FN3K: variants seen among roughly 807,000 people sequenced by gnomAD.
FN3K encodes the protein fructosamine-3-kinase.
A neutral mutation model predicts 24.8 loss-of-function variants in FN3K; 24 were observed. The observed-to-expected ratio is 0.97, with a 90% CI of 0.70 to 1.36. The LOEUF is 1.36. Ranked by LOEUF, FN3K falls within the 40% of genes most tolerant of loss-of-function variation. FN3K has a pLI of 0.00. For missense variants in FN3K, 449 were observed against 416.7 expected (o/e 1.08, Z -0.67); for synonymous variants, 192 against 175.2 (o/e 1.10, Z -0.76).
intron 2 of FN3K, among the ~76,000 whole-genome samples, chr17:82,738,932 A>ATATATATATATATACGTG (rs2046923510): frequency 1.1e-5 from 1 of 94,420 alleles, no homozygotes; most frequent in African/African-American, 4.3e-5. Flanking sequence ...ACACATATAT[A>ATATATATATATATACGTG]TATATATATA....
chr17:82,743,666 A>G (rs1291715556), intron 4 of FN3K, among the ~76,000 whole-genome samples: 5 of 152,158 alleles, frequency 3.3e-5, no homozygotes, highest in African/African-American at 1.2e-4. Flanking sequence ...ACTGAACTCA[A>G]CTCACCCACT....
Position 82,749,028 on chromosome 17 carries a change from C to T in FN3K, c.591+51C>T, listed in dbSNP as rs772197390. The T allele has an allele frequency of 5.3e-5, 85 of 1,612,428 alleles. 1 individual carries two copies. The highest frequency in any genetic ancestry group is 4.9e-4 in the Middle Eastern group (3 of 6,078). On this transcript the variant is annotated intron_variant, in intron 5 of 5. Coordinates refer to ENST00000300784, the MANE Select transcript of FN3K (RefSeq NM_022158.4). The stretch of plus-strand genomic sequence containing the variant: ...GAAAGAGCTGGTCCTCTCATGATCC[C>T]GCCGCATTTGTGCGGGTTCATCTGT...
At chr17:82,749,091 C>T in intron 5 of FN3K, 114 bp downstream of exon 5, 6 of 1,491,472 alleles carry the variant, frequency 4.0e-6, no homozygotes, top group Middle Eastern at 1.7e-4. Flanking sequence ...AGTCCTGGAG[C>T]ACACATCAGG....
In FN3K at chr17:82,741,341, A is replaced by G. The variant is rs376898312; in HGVS notation, c.416A>G (p.Tyr139Cys). The G allele has an allele frequency of 1.9e-6, 3 of 1,614,004 alleles. No homozygotes were observed. Among genetic ancestry groups the G allele is most frequent in the East Asian group, 2.2e-5 (1 of 44,874 alleles). The change falls in exon 4 of 6, where the codon TAT becomes TGT. Residue 139 changes from tyrosine to cysteine, a missense_variant. Coordinates refer to ENST00000300784, the MANE Select transcript of FN3K (RefSeq NM_022158.4). Reference sequence around the variant, plus strand: ...AGAGGTGAGGGTGCTGAGCCTCAGTATGTGGACAAGTTCGGCTTCCACACG... The same window carrying G: ...AGAGGTGAGGGTGCTGAGCCTCAGTGTGTGGACAAGTTCGGCTTCCACACG... The part of the protein sequence containing the change: ...GRRGEGAEPQ[Y>C]VDKFGFHTVT...
Position 82,738,572 on chromosome 17 carries a change from G to A in FN3K, c.225G>A (p.Lys75=). The A allele has an allele frequency of 4.3e-6, 7 of 1,613,990 alleles. No homozygotes were observed. Among genetic ancestry groups the A allele is most frequent in the Non-Finnish European group, 4.2e-6 (5 of 1,179,986 alleles). The change falls in exon 2 of 6, where the codon AAG becomes AAA. Residue 75 remains lysine, a synonymous_variant. Transcript: ENST00000300784. ...TGLVRVPRPM[K]VIDLPGGGAA... ...TGGTGCGGGTGCCGAGGCCCATGAAGGTCATCGACCTGCCGGGAGGTGGGG... is the reference window on the plus strand; with the variant it reads ...TGGTGCGGGTGCCGAGGCCCATGAAAGTCATCGACCTGCCGGGAGGTGGGG...
chr17:82,735,702 C>T lies in FN3K; in HGVS notation c.66C>T (p.Ala22=), dbSNP rs191210297. The T allele has an allele frequency of 5.9e-4, 907 of 1,547,106 alleles. 3 individuals carry two copies. In the African/African-American group the frequency reaches 0.011, roughly 19 times the overall value. ...ATLRAFGGPG[A]GCISEGRAYD... The stretch of plus-strand genomic sequence containing the variant: ...TGCGGGCCTTCGGCGGCCCCGGCGC[C>T]GGCTGCATCAGCGAGGGCCGAGCCT... Residue 22 remains alanine (A), a synonymous_variant, in exon 1 of 6, where the codon GCC becomes GCT. Transcript: ENST00000300784.
chr17:82,736,802 A>C (rs1214883247), intron 1 of FN3K, among the ~76,000 whole-genome samples: 1 of 152,200 alleles, frequency 6.6e-6, no homozygotes, highest in African/African-American at 2.4e-5. Flanking sequence ...CTCAGAACCA[A>C]ATCCCTCAAA....
At chr17:82,747,815 C>A (rs1046747837) in intron 4 of FN3K, among the ~76,000 whole-genome samples, 5 of 152,194 alleles carry the variant, frequency 3.3e-5, no homozygotes, top group African/African-American at 1.2e-4. Flanking sequence ...TCTTATAGGC[C>A]ACTAATCCTA....
intron 5 of FN3K, 92 bp from the exon 6 acceptor site, chr17:82,750,325 A>T (rs972362160): frequency 1.9e-5 from 21 of 1,128,530 alleles, no homozygotes; most frequent in Non-Finnish European, 2.7e-5. Flanking sequence ...ACCGAAGCAG[A>T]TCGCGAGTGG....
At chr17:82,742,421 A>G (rs1213307849) in intron 4 of FN3K, among the ~76,000 whole-genome samples, 1 of 152,140 alleles carries the variant, frequency 6.6e-6, no homozygotes. Flanking sequence ...GGCAACCTCT[A>G]ATGTACCTTC....
At position 82,751,178 on chromosome 17, in the gene FN3K, G is replaced by C; in HGVS notation, c.*423G>C. On this transcript the variant is annotated 3_prime_UTR_variant, in exon 6 of 6. Coordinates refer to ENST00000300784, the MANE Select transcript of FN3K (RefSeq NM_022158.4). ...CAGATCCTGGGGACCAATAAAGCCC[G>C]CAGCGGGTCTCGGCTGGCGTCCTGC... 1.0e-5 allele frequency: 1 copy of C among 98,510 alleles called. No homozygotes were observed. The highest frequency in any genetic ancestry group is 1.8e-5 in the Non-Finnish European group (1 of 54,310). The allele number at this position is 98,510 out of a possible 1,614,324, so 6.1% of individuals were successfully genotyped here. A position where few individuals can be genotyped will look rare whatever the true frequency, so the allele number is the denominator to read the frequency against.
In FN3K at chr17:82,741,367, G is replaced by A. The variant is rs750889561; in HGVS notation, c.442G>A (p.Val148Met). The change falls in exon 4 of 6, where the codon GTG becomes ATG. Residue 148 changes from valine (V) to methionine (M), a missense_variant. Coordinates refer to ENST00000300784, the MANE Select transcript of FN3K (RefSeq NM_022158.4). Reference protein sequence around the residue: ...QYVDKFGFHTVTCCGFIPQVN... With the variant: ...QYVDKFGFHTMTCCGFIPQVN... The stretch of plus-strand genomic sequence containing the variant: ...TGTGGACAAGTTCGGCTTCCACACG[G>A]TGACGTGCTGCGGCTTCATCCCGCA... The A allele has an allele frequency of 1.9e-6, 3 of 1,613,858 alleles. No individual in the cohort carries two copies. The highest frequency in any genetic ancestry group is 2.5e-6 in the Non-Finnish European group (3 of 1,179,872).
chr17:82,735,619 TC>T lies in FN3K; in HGVS notation c.-15del. 1.3e-6 allele frequency: 2 copies of T among 1,509,756 alleles called. No homozygotes were observed. The highest frequency in any genetic ancestry group is 2.9e-5 in the African/African-American group (2 of 68,946). 93.5% of individuals were successfully genotyped at this position (1,509,756 alleles called of 1,614,324 possible). ...GACAGGGGCTTCCGAGCGAGCAGAG[TC>T]CCGCGCCCCGCACTCCATGGAGCAG... is the stretch of plus-strand genomic sequence containing the variant. On this transcript the variant is annotated 5_prime_UTR_variant, in exon 1 of 6. Coordinates refer to ENST00000300784, the MANE Select transcript of FN3K (RefSeq NM_022158.4).
In FN3K at chr17:82,750,941, T is replaced by TC; in HGVS notation, c.*191dup. 2 of 268,416 alleles carry TC rather than the reference T, an allele frequency of 7.5e-6. No individual in the cohort carries two copies. The highest frequency in any genetic ancestry group is 9.7e-5 in the African/African-American group (1 of 10,358). 16.6% of individuals were successfully genotyped at this position (268,416 alleles called of 1,614,324 possible). Reference sequence around the variant, plus strand: ...CCCCGTCCCCGTCCCTCCATCCCTGTCCCCCGTCCCCCTGTCCCCCTGTCC... The same window carrying TC: ...CCCCGTCCCCGTCCCTCCATCCCTGTCCCCCCGTCCCCCTGTCCCCCTGTCC... On this transcript the variant is annotated 3_prime_UTR_variant, in exon 6 of 6. Coordinates refer to ENST00000300784, the MANE Select transcript of FN3K (RefSeq NM_022158.4).
At chr17:82,749,083 T>A (rs775087669) in intron 5 of FN3K, 106 bp downstream of exon 5, 2 of 1,528,400 alleles carry the variant, frequency 1.3e-6, no homozygotes, top group Non-Finnish European at 8.9e-7. Context: ...GAACACTGAG[T>A]CCTGGAGCAC....
In FN3K at chr17:82,750,771, C is replaced by G. The variant is rs759102023; in HGVS notation, c.*16C>G. The G allele has an allele frequency of 2.5e-6, 4 of 1,601,600 alleles. No homozygotes were observed. Among genetic ancestry groups the G allele is most frequent in the Non-Finnish European group, 3.4e-6 (4 of 1,174,332 alleles). On this transcript the variant is annotated 3_prime_UTR_variant, in exon 6 of 6. Coordinates refer to ENST00000300784, the MANE Select transcript of FN3K (RefSeq NM_022158.4). ...GCTCAAGTAGCGGCCCCTGCCCTCCCTTCCCCTGTCCCCGTCCCCGTCTCC... is the reference window on the plus strand; with the variant it reads ...GCTCAAGTAGCGGCCCCTGCCCTCCGTTCCCCTGTCCCCGTCCCCGTCTCC...
chr17:82,738,554 G>A lies in FN3K; in HGVS notation c.207G>A (p.Arg69=), dbSNP rs1227237161. 1.2e-6 allele frequency: 2 copies of A among 1,613,020 alleles called. No individual in the cohort carries two copies. Among genetic ancestry groups the A allele is most frequent in the East Asian group, 4.5e-5 (2 of 44,886 alleles). The stretch of plus-strand genomic sequence containing the variant: ...CCCTCAGGAGCACGGGCCTGGTGCG[G>A]GTGCCGAGGCCCATGAAGGTCATCG... ...LEALRSTGLV[R]VPRPMKVIDL... is the part of the protein sequence containing the mutation. Residue 69 remains arginine, a synonymous_variant, in exon 2 of 6, where the codon CGG becomes CGA. Transcript: ENST00000300784.
At chr17:82,744,083 G>T (rs1265250695) in intron 4 of FN3K, among the ~76,000 whole-genome samples, 1 of 152,212 alleles carries the variant, frequency 6.6e-6, no homozygotes, top group Non-Finnish European at 1.5e-5. Flanking sequence ...CTGAGCTGGG[G>T]ATCTGACAGC....
chr17:82,750,384 G>A (rs761965607), intron 5 of FN3K, 33 bp from the exon 6 acceptor site: 3 of 1,588,168 alleles, frequency 1.9e-6, no homozygotes, highest in Non-Finnish European at 2.6e-6. Context: ...GGCTCCCAGA[G>A]GCCAGCGATA....
Sources: gnomAD v4.1 joint callset for allele counts (sites outside exome capture counted in the v4.1 genomes callset) on GRCh38, gnomAD v4.1.1 for gene constraint, MANE v1.5 for transcripts, NCBI Gene and HGNC (gene_info 2026-07-23, HGNC 2026-07-21) for gene names.